C2CD3: variants seen among roughly 807,000 people sequenced by gnomAD.
The protein encoded by C2CD3 is C2 domain containing 3 centriole elongation regulator, also known as C2 domain-containing protein 3.
C2CD3 carries 148 observed loss-of-function variants against 234.0 expected under a neutral mutation model. The ratio of observed to expected loss-of-function variants is 0.63; its 90% confidence interval spans 0.55 to 0.72. The LOEUF (loss-of-function observed/expected upper bound fraction) is 0.72, where lower values mean the gene tolerates loss of function less well. Ranked by LOEUF, C2CD3 falls within the 30% of genes least tolerant of loss-of-function variation. The pLI, the probability that C2CD3 is intolerant of heterozygous loss-of-function variation, is 0.00. For missense variants in C2CD3, 2,577 were observed against 2,811.5 expected (o/e 0.92, Z 1.89); for synonymous variants, 1,000 against 1,035.4 (o/e 0.97, Z 0.66).
rs528434434 is a variant in C2CD3 at position 74,044,446 on chromosome 11, T to TCC, written c.5496-2229_5496-2228insGG. ...CTCCAGCCTGGCAACACAGCAAGACTGTCTCAAAAAAAAAAAAAAGAGCTA... is the reference window on the plus strand; with the variant it reads ...CTCCAGCCTGGCAACACAGCAAGACTCCGTCTCAAAAAAAAAAAAAAGAGCTA... On this transcript the variant is annotated intron_variant, in intron 28 of 32. Coordinates refer to ENST00000334126, the MANE Select transcript of C2CD3 (RefSeq NM_001286577.2). 4.2e-3 allele frequency among the ~76,000 whole-genome samples: 629 copies of TCC among 148,650 alleles called. 3 individuals are homozygous for TCC. Among genetic ancestry groups the TCC allele is most frequent in the Middle Eastern group, 0.034 (10 of 292 alleles).
At chr11:74,032,467 G>A (rs1473037870) in intron 31 of C2CD3, among the ~76,000 whole-genome samples, 1 of 149,580 alleles carries the variant, frequency 6.7e-6, no homozygotes, top group African/African-American at 2.6e-5. Context: ...TTAAAAGGAA[G>A]GAGTGGGGAA....
rs559242090 is a variant in C2CD3 at position 74,032,442 on chromosome 11, C to T, written c.6809+909G>A. 1.9e-4 allele frequency among the ~76,000 whole-genome samples: 29 copies of T among 152,148 alleles called. No individual in the cohort carries two copies. The South Asian group carries it at 5.4e-3, about 28-fold the overall frequency. On this transcript the variant is annotated intron_variant, in intron 31 of 32. Transcript: ENST00000334126. ...CCTAAGTGGTTTCCTTTCCCCATAA[C>T]ATGCCAGTCTGTGTTTAAAAGGAAG...
At chr11:74,170,407 C>T (rs1411888221) in intron 1 of C2CD3, among the ~76,000 whole-genome samples, 2 of 152,186 alleles carry the variant, frequency 1.3e-5, no homozygotes, top group African/African-American at 4.8e-5. Context: ...ATGTTTCTTC[C>T]TGTCCCTGTG....
intron 32 of C2CD3, among the ~76,000 whole-genome samples, chr11:74,014,135 G>A (rs181013038): frequency 1.4e-4 from 21 of 152,218 alleles, no homozygotes; most frequent in Admixed American, 1.3e-3. Context: ...ATGGTATCAT[G>A]GTCCTCTGGA....
chr11:74,096,645 T>G (rs1956117752), intron 16 of C2CD3, among the ~76,000 whole-genome samples: 1 of 152,184 alleles, frequency 6.6e-6, no homozygotes, highest in Non-Finnish European at 1.5e-5. Context: ...CAGGTAAATC[T>G]TTCAAGGATT....
chr11:74,048,820 G>C (rs980129161), intron 27 of C2CD3, among the ~76,000 whole-genome samples: 8 of 152,234 alleles, frequency 5.3e-5, no homozygotes, highest in Non-Finnish European at 8.8e-5. Flanking sequence ...AGGCACGAGA[G>C]ACAGAGAGAT....
chr11:74,113,570 C>T, intron 11 of C2CD3: 1 of 537,812 alleles, frequency 1.9e-6, no homozygotes. Context: ...ATCCCAGCTA[C>T]TCAGGAGGCT....
In C2CD3 at chr11:74,119,667, A is replaced by T. The variant is rs551017308; in HGVS notation, c.1366-1285T>A. ...TTTTTTTTTTTTGAGATGGAGTCTC[A>T]GTCTGTTGCCCAGGCTGGAGTGCAG... On this transcript the variant is annotated intron_variant, in intron 8 of 32. Coordinates refer to ENST00000334126, the MANE Select transcript of C2CD3 (RefSeq NM_001286577.2). 2.4e-3 allele frequency among the ~76,000 whole-genome samples: 355 copies of T among 146,116 alleles called. 2 individuals are homozygous for T. Among genetic ancestry groups the T allele is most frequent in the Non-Finnish European group, 4.1e-3 (275 of 67,084 alleles).
rs141908612 is a variant in C2CD3 at position 74,102,225 on chromosome 11, C to CAA, written c.2580+904_2580+905dup. Among the ~76,000 whole-genome samples, 1,284 of 152,032 alleles carry CAA rather than the reference C, an allele frequency of 8.4e-3. 10 individuals carry two copies. The highest frequency in any genetic ancestry group is 0.029 in the African/African-American group (1,185 of 41,488). ...AAATTATAATTTGAATTAGGGCAGA[C>CAA]AAAAAGAGGAAGAACAGATTTGGAA... On this transcript the variant is annotated intron_variant, in intron 14 of 32. Coordinates refer to ENST00000334126, the MANE Select transcript of C2CD3 (RefSeq NM_001286577.2).
chr11:74,139,500 C>A, intron 4 of C2CD3, 105 bp downstream of exon 4: 1 of 860,628 alleles, frequency 1.2e-6, no homozygotes, highest in Non-Finnish European at 2.0e-6. Flanking sequence ...GAGGACTGTG[C>A]CTCTCTCTGC....
In C2CD3 at chr11:74,028,357, T is replaced by C. The variant is rs1348880957; in HGVS notation, c.6851A>G (p.Gln2284Arg). 2.6e-6 allele frequency: 4 copies of C among 1,535,990 alleles called. No individual in the cohort carries two copies. Among genetic ancestry groups the C allele is most frequent in the East Asian group, 4.9e-5 (2 of 40,900 alleles). The part of the protein sequence containing the change: ...IVVPNFFLPP[Q>R]QLEASLRMLS... ...CATCCGCAGGGAAGCCTCCAACTGC[T>C]GGGGAGGCAAAAAGAAGTTGGGCAC... Residue 2284 changes from glutamine (Q) to arginine (R), a missense_variant, in exon 32 of 33, where the codon CAG (glutamine) becomes CGG (arginine). Transcript: ENST00000334126.
chr11:74,025,879 G>C (rs753905688), intron 32 of C2CD3, among the ~76,000 whole-genome samples: 11 of 152,160 alleles, frequency 7.2e-5, no homozygotes, highest in Non-Finnish European at 1.3e-4. Flanking sequence ...AGCAGATTCA[G>C]TATTTCACTC....
chr11:74,093,895 C>G lies in C2CD3; in HGVS notation c.3265G>C (p.Val1089Leu), dbSNP rs772506714. 1 of 1,614,150 alleles carries G rather than the reference C, an allele frequency of 6.2e-7. No individual in the cohort carries two copies. Among genetic ancestry groups the G allele is most frequent in the South Asian group, 1.1e-5 (1 of 91,086 alleles). The change falls in exon 18 of 33, where the codon GTG becomes CTG. Residue 1089 changes from valine (V) to leucine (L), a missense_variant. Physicochemically the swap from Val to Leu is conservative, Grantham distance 32. Coordinates refer to ENST00000334126, the MANE Select transcript of C2CD3 (RefSeq NM_001286577.2). ...HSLLLPAEVPVQRLLLSAFSA... is the reference protein window; with the variant it reads ...HSLLLPAEVPLQRLLLSAFSA... The stretch of plus-strand genomic sequence containing the variant: ...AAAGCACTTAGTAGGAGCCTTTGCA[C>G]TGGAACCTCAGCTGGCAACAGGAGA...
intron 32 of C2CD3, among the ~76,000 whole-genome samples, 191 bp downstream of exon 32, chr11:74,028,096 G>A (rs1952377213): frequency 6.6e-6 from 1 of 152,062 alleles, no homozygotes; most frequent in Non-Finnish European, 1.5e-5. Context: ...TTGCATATTT[G>A]CTCTTCCTCA....
intron 26 of C2CD3, among the ~76,000 whole-genome samples, chr11:74,049,762 T>C (rs1356302034): frequency 6.6e-6 from 1 of 152,096 alleles, no homozygotes; most frequent in Non-Finnish European, 1.5e-5. Context: ...CTGACAGGCT[T>C]GCACTTCATT....
At chr11:74,092,804 A>T (rs1407930232) in intron 18 of C2CD3, among the ~76,000 whole-genome samples, 1 of 152,032 alleles carries the variant, frequency 6.6e-6, no homozygotes, top group Non-Finnish European at 1.5e-5. Context: ...AGCTTCCCTC[A>T]AGTTTTCTGT....
chr11:74,115,122 G>C (rs1209935462), intron 9 of C2CD3, among the ~76,000 whole-genome samples: 1 of 151,748 alleles, frequency 6.6e-6, no homozygotes, highest in African/African-American at 2.4e-5. Flanking sequence ...AGGTTTGAGA[G>C]TGTATATTCA....
At position 74,059,775 on chromosome 11, in the gene C2CD3, G is replaced by A. The variant is rs145971085; in HGVS notation, c.4952-2231C>T. 1.7e-3 allele frequency among the ~76,000 whole-genome samples: 254 copies of A among 152,274 alleles called. 1 individual carries two copies. The highest frequency in any genetic ancestry group is 5.9e-3 in the African/African-American group (244 of 41,540). On this transcript the variant is annotated intron_variant, in intron 24 of 32. Transcript: ENST00000334126. ...ACTGAGGTACCGGGTTCATCTCACC[G>A]GGGCTTATCAGACAGTGGGTGCAGC...
chr11:74,110,086 T>C (rs1011281750), intron 11 of C2CD3, among the ~76,000 whole-genome samples: 3 of 150,466 alleles, frequency 2.0e-5, no homozygotes, highest in Non-Finnish European at 4.4e-5. Context: ...GTCTCAAAAA[T>C]AAATAAATAA....
Sources: gnomAD v4.1 joint callset for allele counts (sites outside exome capture counted in the v4.1 genomes callset) on GRCh38, gnomAD v4.1.1 for gene constraint, MANE v1.5 for transcripts, NCBI Gene and HGNC (gene_info 2026-07-23, HGNC 2026-07-21) for gene names.